Variants in TMEM132D observed in about 807,000 individuals in gnomAD.
The protein encoded by TMEM132D is mature OL transmembrane protein.
A neutral mutation model predicts 62.3 loss-of-function variants in TMEM132D; 21 were observed. The observed-to-expected ratio is 0.34, with a 90% CI of 0.24 to 0.49. TMEM132D has a LOEUF of 0.49. Ranked by LOEUF, TMEM132D falls within the 20% of genes least tolerant of loss-of-function variation. The pLI, the probability that TMEM132D is intolerant of heterozygous loss-of-function variation, is 0.99. For synonymous variants in TMEM132D, 621 were observed against 575.6 expected (o/e 1.08, Z -1.13); for missense variants, 1,346 against 1,402.8 (o/e 0.96, Z 0.65).
intron 1 of TMEM132D, among the ~76,000 whole-genome samples, chr12:129,750,434 G>C (rs1018036504): frequency 1.3e-5 from 2 of 152,192 alleles, no homozygotes; most frequent in African/African-American, 4.8e-5. Context: ...CTAGTGTTCT[G>C]AGAATTTTCA....
chr12:129,444,040 G>A (rs942532892), intron 3 of TMEM132D, among the ~76,000 whole-genome samples: 1 of 152,092 alleles, frequency 6.6e-6, no homozygotes, highest in African/African-American at 2.4e-5. Flanking sequence ...AATGATGCTG[G>A]GATAACTGGC....
chr12:129,644,748 G>A (rs1387884409), intron 2 of TMEM132D, among the ~76,000 whole-genome samples: 1 of 151,628 alleles, frequency 6.6e-6, no homozygotes, highest in Non-Finnish European at 1.5e-5. Context: ...GGAGGCCGAG[G>A]TGGGCAGATC....
At chr12:129,417,377 G>A (rs1872158371) in intron 3 of TMEM132D, among the ~76,000 whole-genome samples, 1 of 152,074 alleles carries the variant, frequency 6.6e-6, no homozygotes, top group African/African-American at 2.4e-5. Flanking sequence ...ACAGAACAGA[G>A]GCCTCAGAAA....
intron 1 of TMEM132D, among the ~76,000 whole-genome samples, chr12:129,737,583 A>G (rs1869468861): frequency 6.6e-6 from 1 of 151,938 alleles, no homozygotes; most frequent in African/African-American, 2.4e-5. Context: ...TCTCACCACA[A>G]CTGTGTCCAC....
intron 1 of TMEM132D, among the ~76,000 whole-genome samples, chr12:129,716,061 A>C (rs934950954): frequency 2.0e-5 from 3 of 152,242 alleles, no homozygotes; most frequent in Admixed American, 2.0e-4. Flanking sequence ...AGAAAGCGGT[A>C]GATAAATCTC....
In TMEM132D at chr12:129,072,083, C is replaced by G. The variant is rs1874084373; in HGVS notation, c.*1792G>C. On this transcript the variant is annotated 3_prime_UTR_variant, in exon 9 of 9. Transcript: ENST00000422113. ...CTGGTGAAATTTACACACACATGAT[C>G]TAAAGAGAATTCAATTCTATGGAGA... 1 of 152,004 alleles carries G rather than the reference C, an allele frequency of 6.6e-6. No homozygotes were observed. Among genetic ancestry groups the G allele is most frequent in the African/African-American group, 2.4e-5 (1 of 41,352 alleles). The allele number at this position is 152,004 out of a possible 1,614,324, so 9.4% of individuals were successfully genotyped here. A position where few individuals can be genotyped will look rare whatever the true frequency, so the allele number is the denominator to read the frequency against.
At chr12:129,099,737 C>T (rs371899630) in intron 5 of TMEM132D, among the ~76,000 whole-genome samples, 97 of 152,372 alleles carry the variant, frequency 6.4e-4, no homozygotes, top group African/African-American at 2.2e-3. Context: ...CCCACCTTGG[C>T]AGAAATCTGC....
At chr12:129,160,951 C>T (rs1486640) in intron 5 of TMEM132D, among the ~76,000 whole-genome samples, 150,662 of 152,300 alleles carry the variant, frequency 0.99, 74,544 homozygotes, top group East Asian at 1. Flanking sequence ...AGTTGAGATG[C>T]GGTTGCATCA....
chr12:129,558,540 C>T (rs902921621), intron 2 of TMEM132D, among the ~76,000 whole-genome samples: 1 of 152,150 alleles, frequency 6.6e-6, no homozygotes, highest in African/African-American at 2.4e-5. Context: ...CGTGAGCAAT[C>T]TCTGTGAAGC....
intron 2 of TMEM132D, among the ~76,000 whole-genome samples, chr12:129,696,241 T>C (rs1394964922): frequency 1.3e-5 from 2 of 152,198 alleles, no homozygotes; most frequent in African/African-American, 4.8e-5. Context: ...GCTATCTCCT[T>C]TCTAAGCCTC....
intron 3 of TMEM132D, among the ~76,000 whole-genome samples, chr12:129,486,919 A>G (rs1874598042): frequency 6.6e-6 from 1 of 152,216 alleles, no homozygotes; most frequent in Non-Finnish European, 1.5e-5. Context: ...GAAATAAATG[A>G]ATGAATAAGC....
intron 1 of TMEM132D, among the ~76,000 whole-genome samples, chr12:129,881,370 C>T (rs186803897): frequency 1.3e-5 from 2 of 151,984 alleles, no homozygotes; most frequent in Admixed American, 1.3e-4. Flanking sequence ...ATTTACAGAG[C>T]ACTCCTCACA....
intron 2 of TMEM132D, among the ~76,000 whole-genome samples, chr12:129,648,970 C>T (rs1359409230): frequency 6.6e-6 from 1 of 152,142 alleles, no homozygotes; most frequent in Non-Finnish European, 1.5e-5. Flanking sequence ...CTTCAGAGTT[C>T]CAACTGACTC....
chr12:129,805,223 C>A (rs568356523), intron 1 of TMEM132D, among the ~76,000 whole-genome samples: 6 of 152,022 alleles, frequency 3.9e-5, no homozygotes, highest in East Asian at 1.9e-4. Flanking sequence ...AAAAAGAGCC[C>A]GCATCACCAA....
At chr12:129,408,169 T>C (rs1255533911) in intron 3 of TMEM132D, among the ~76,000 whole-genome samples, 1 of 152,208 alleles carries the variant, frequency 6.6e-6, no homozygotes, top group Non-Finnish European at 1.5e-5. Flanking sequence ...AACAGGAGTT[T>C]TTCTATCCCT....
At chr12:129,370,321 TC>T (rs1870553210) in intron 3 of TMEM132D, among the ~76,000 whole-genome samples, 1 of 152,242 alleles carries the variant, frequency 6.6e-6, no homozygotes, top group Non-Finnish European at 1.5e-5. Context: ...TAAAGAATTG[TC>T]CTTATTTTCA....
At chr12:129,381,089 C>T (rs1451698972) in intron 3 of TMEM132D, among the ~76,000 whole-genome samples, 3 of 152,136 alleles carry the variant, frequency 2.0e-5, no homozygotes, top group African/African-American at 7.2e-5. Flanking sequence ...TCATTCCAGT[C>T]ATTTGATCAC....
chr12:129,466,815 G>T (rs977887818), intron 3 of TMEM132D, among the ~76,000 whole-genome samples: 4 of 152,126 alleles, frequency 2.6e-5, no homozygotes, highest in African/African-American at 4.8e-5. Context: ...CCTGTAGCTT[G>T]TTTCCGGAGC....
At chr12:129,192,823 T>C (rs1878441549) in intron 5 of TMEM132D, among the ~76,000 whole-genome samples, 3 of 151,650 alleles carry the variant, frequency 2.0e-5, no homozygotes, top group Admixed American at 1.3e-4. Flanking sequence ...CCAAAGGAGG[T>C]TCAAATCCTA....
Sources: allele counts gnomAD v4.1 joint callset (sites outside exome capture counted in the v4.1 genomes callset), GRCh38; gene constraint gnomAD v4.1.1; transcripts MANE v1.5; gene names NCBI Gene and HGNC (gene_info 2026-07-23, HGNC 2026-07-21).